GRID2: variants seen among roughly 807,000 people sequenced by gnomAD.
GRID2 encodes glutamate ionotropic receptor delta type subunit 2, also known as glutamate receptor ionotropic, delta-2.
In GRID2, 33 loss-of-function variants were observed where a neutral mutation model predicts 114.8. The observed-to-expected ratio is 0.29, with a 90% CI of 0.22 to 0.38. The LOEUF (loss-of-function observed/expected upper bound fraction) is 0.38. Among genes scored for constraint, GRID2 ranks in the 10% least tolerant of loss-of-function variants. The pLI, the probability that GRID2 is intolerant of heterozygous loss-of-function variation, is 1.00. For missense variants in GRID2, 1,184 were observed against 1,257.7 expected, an observed-to-expected ratio of 0.94 and a Z score of 0.89; for synonymous variants, 505 against 449.9, an observed-to-expected ratio of 1.12 and a Z score of -1.55.
In GRID2 at chr4:92,667,441, AAT is replaced by A. The variant is rs778635957; in HGVS notation, c.244+77160_244+77161del. Reference sequence around the variant, plus strand: ...TTAGACGGTTTAATCCCTCCTCTGAAATATATGTTTCACTTATTATTAGAAGA... The same window carrying A: ...TTAGACGGTTTAATCCCTCCTCTGAAATATGTTTCACTTATTATTAGAAGA... On this transcript the variant is annotated intron_variant, in intron 2 of 15. Coordinates refer to ENST00000282020, the MANE Select transcript of GRID2 (RefSeq NM_001510.4). Among the ~76,000 whole-genome samples the A allele has an allele frequency of 1.1e-4, 16 of 151,734 alleles. No individual in the cohort carries two copies. The Middle Eastern group carries it at 0.01, about 97-fold the overall frequency.
intron 2 of GRID2, among the ~76,000 whole-genome samples, chr4:93,030,894 G>C (rs1465893507): frequency 2.6e-5 from 4 of 151,922 alleles, no homozygotes; most frequent in African/African-American, 4.8e-5. Flanking sequence ...AAGAGGAAGA[G>C]AGAAAACAAA....
chr4:93,055,337 T>G (rs966770288), intron 2 of GRID2, among the ~76,000 whole-genome samples: 2 of 151,766 alleles, frequency 1.3e-5, no homozygotes, highest in Non-Finnish European at 2.9e-5. Context: ...TTCCACACTA[T>G]TATGTTTCAT....
At chr4:92,391,927 T>A (rs1730256867) in intron 1 of GRID2, among the ~76,000 whole-genome samples, 1 of 152,178 alleles carries the variant, frequency 6.6e-6, no homozygotes, top group African/African-American at 2.4e-5. Context: ...TAAAATCAAT[T>A]CTGGAAAGGT....
Position 92,517,247 on chromosome 4 carries a change from G to T in GRID2, c.89-72884G>T, listed in dbSNP as rs1724543984. ...AAATAGTCCCAAAGGTAAATTTAAA[G>T]TGAAACAACAGGAAAGAAATTAGTT... On this transcript the variant is annotated intron_variant, in intron 1 of 15. Coordinates refer to ENST00000282020, the MANE Select transcript of GRID2 (RefSeq NM_001510.4). Among the ~76,000 whole-genome samples the T allele has an allele frequency of 2.0e-5, 3 of 151,776 alleles. No homozygotes were observed. In the South Asian group the frequency reaches 6.2e-4, roughly 31 times the overall value.
chr4:93,271,623 T>G (rs1751467931), intron 8 of GRID2, among the ~76,000 whole-genome samples: 1 of 152,202 alleles, frequency 6.6e-6, no homozygotes, highest in East Asian at 1.9e-4. Flanking sequence ...TTAAAATTGT[T>G]GAATTTTAAG....
chr4:93,590,894 C>T (rs377024236), intron 13 of GRID2, among the ~76,000 whole-genome samples: 16 of 150,104 alleles, frequency 1.1e-4, no homozygotes, highest in African/African-American at 2.2e-4. Context: ...GTGATTTTTG[C>T]ACATTGATTT....
At position 93,065,874 on chromosome 4, in the gene GRID2, G is replaced by A. The variant is rs148928541; in HGVS notation, c.245-19121G>A. Among the ~76,000 whole-genome samples the A allele has an allele frequency of 8.0e-4, 121 of 151,872 alleles. 1 individual carries two copies. Among genetic ancestry groups the A allele is most frequent in the Non-Finnish European group, 2.9e-4 (20 of 67,866 alleles). Reference sequence around the variant, plus strand: ...CTTACACACAGTCTTTCTGGATTCCGTTGACTTGAAAATTCAAATCTAAAA... The same window carrying A: ...CTTACACACAGTCTTTCTGGATTCCATTGACTTGAAAATTCAAATCTAAAA... On this transcript the variant is annotated intron_variant, in intron 2 of 15. Transcript: ENST00000282020.
rs188872854 is a variant in GRID2 at position 93,766,684 on chromosome 4, A to T, written c.2361-2526A>T. Among the ~76,000 whole-genome samples the T allele has an allele frequency of 4.6e-5, 7 of 152,302 alleles. No individual in the cohort carries two copies. In the East Asian group the frequency reaches 1.4e-3, roughly 29 times the overall value. ...AAGTACTTATAAACTCAAATTTAAA[A>T]AGAATTATTTGTTCAAAGATGACTA... On this transcript the variant is annotated intron_variant, in intron 14 of 15. Coordinates refer to ENST00000282020, the MANE Select transcript of GRID2 (RefSeq NM_001510.4).
At chr4:93,370,115 G>T (rs1046056768) in intron 8 of GRID2, among the ~76,000 whole-genome samples, 3 of 151,800 alleles carry the variant, frequency 2.0e-5, no homozygotes, top group African/African-American at 7.3e-5. Context: ...CAAGGGCTAT[G>T]GTCTTCTACT....
intron 9 of GRID2, among the ~76,000 whole-genome samples, chr4:93,402,380 G>A (rs1765980156): frequency 6.6e-6 from 1 of 152,060 alleles, no homozygotes; most frequent in Non-Finnish European, 1.5e-5. Context: ...TATATTAACT[G>A]GATGAAACTA....
Position 92,654,437 on chromosome 4 carries a change from A to C in GRID2, c.244+64151A>C, listed in dbSNP as rs534966658. On this transcript the variant is annotated intron_variant, in intron 2 of 15. Transcript: ENST00000282020. The stretch of plus-strand genomic sequence containing the variant: ...AAAGATTCAATCCATAACACTGCCC[A>C]TACACTGAAGATTTCAAACTCATGA... Among the ~76,000 whole-genome samples the C allele has an allele frequency of 4.6e-5, 7 of 152,202 alleles. 1 individual carries two copies. In the South Asian group the frequency reaches 1.5e-3, roughly 32 times the overall value.
At chr4:93,391,567 G>C (rs1764854982) in intron 8 of GRID2, among the ~76,000 whole-genome samples, 1 of 152,114 alleles carries the variant, frequency 6.6e-6, no homozygotes, top group African/African-American at 2.4e-5. Context: ...ATTCCATTTG[G>C]TATTCAATTA....
chr4:93,744,318 C>A (rs1204360289), intron 14 of GRID2, among the ~76,000 whole-genome samples: 1 of 152,160 alleles, frequency 6.6e-6, no homozygotes, highest in East Asian at 1.9e-4. Context: ...GACAGACAAT[C>A]TGGGCAAACT....
chr4:92,975,595 T>G (rs888321852), intron 2 of GRID2, among the ~76,000 whole-genome samples: 4 of 152,162 alleles, frequency 2.6e-5, no homozygotes, highest in African/African-American at 9.7e-5. Context: ...CACCTCACTT[T>G]TTCTTTTTAT....
At chr4:92,439,655 T>C in intron 1 of GRID2, among the ~76,000 whole-genome samples, 1 of 145,182 alleles carries the variant, frequency 6.9e-6, no homozygotes, top group Non-Finnish European at 1.6e-5. Flanking sequence ...GGTGATGGCC[T>C]GGATACGGTT....
At chr4:92,392,629 TGTAAA>T (rs1257862757) in intron 1 of GRID2, among the ~76,000 whole-genome samples, 3 of 152,116 alleles carry the variant, frequency 2.0e-5, no homozygotes, top group Non-Finnish European at 2.9e-5. Context: ...ATGTACCCCC[TGTAAA>T]GTATTTTCTT....
At chr4:93,550,857 G>A (rs1383099751) in intron 13 of GRID2, among the ~76,000 whole-genome samples, 1 of 152,072 alleles carries the variant, frequency 6.6e-6, no homozygotes, top group Non-Finnish European at 1.5e-5. Context: ...ATATTTTTTA[G>A]TGTAGTAATT....
intron 2 of GRID2, among the ~76,000 whole-genome samples, chr4:92,921,323 T>A (rs1232552143): frequency 1.3e-5 from 2 of 152,122 alleles, no homozygotes; most frequent in Non-Finnish European, 2.9e-5. Flanking sequence ...AGTAGTTTGA[T>A]CGTCTGAAGC....
intron 10 of GRID2, among the ~76,000 whole-genome samples, chr4:93,450,237 A>G (rs1445175307): frequency 3.3e-5 from 5 of 151,884 alleles, no homozygotes; most frequent in African/African-American, 1.2e-4. Flanking sequence ...ATCTATTTAG[A>G]TTGATAACAT....
Sources: gnomAD v4.1 joint callset for allele counts (sites outside exome capture counted in the v4.1 genomes callset) on GRCh38, gnomAD v4.1.1 for gene constraint, MANE v1.5 for transcripts, NCBI Gene and HGNC (gene_info 2026-07-23, HGNC 2026-07-21) for gene names.